CADM2: variants seen among roughly 807,000 people sequenced by gnomAD.
CADM2 encodes the protein immunoglobulin superfamily member 4D.
A neutral mutation model predicts 49.8 loss-of-function variants in CADM2; 12 were observed. That is an observed-to-expected ratio of 0.24 (90% confidence interval 0.15 to 0.39). CADM2 has a LOEUF of 0.39. Ranked by LOEUF, CADM2 falls within the 10% of genes least tolerant of loss-of-function variation. The probability of loss-of-function intolerance (pLI) is 1.00; values close to 1 mark genes in which losing one functional copy is unlikely to be tolerated. For synonymous variants in CADM2, 214 were observed against 175.4 expected (o/e 1.22, Z -1.74); for missense variants, 378 against 492.3 (o/e 0.77, Z 2.20).
chr3:85,717,452 C>A (rs1039812517), intron 1 of CADM2, among the ~76,000 whole-genome samples: 1 of 152,138 alleles, frequency 6.6e-6, no homozygotes, highest in East Asian at 1.9e-4. Flanking sequence ...GGTAATTTGA[C>A]TTCCTCTCTT....
At position 85,541,772 on chromosome 3, in the gene CADM2, AT is replaced by A. The variant is rs1207674355; in HGVS notation, c.62-184746del. 1.5e-3 allele frequency among the ~76,000 whole-genome samples: 11 copies of A among 7,434 alleles called. 1 individual carries two copies. The highest frequency in any genetic ancestry group is 3.1e-3 in the Non-Finnish European group (5 of 1,602). The allele number at this position is 7,434 out of a possible 152,430, so 4.9% of individuals were successfully genotyped here. A position where few individuals can be genotyped will look rare whatever the true frequency, so the allele number is the denominator to read the frequency against. On this transcript the variant is annotated intron_variant, in intron 1 of 9. Transcript: ENST00000383699. The stretch of plus-strand genomic sequence containing the variant: ...TATATATTTTATATATATATTTTAT[AT>A]TTTATATATATATATATATATGTAT...
chr3:85,131,123 G>A (rs538066225), intron 1 of CADM2, among the ~76,000 whole-genome samples: 2 of 152,040 alleles, frequency 1.3e-5, no homozygotes, highest in East Asian at 1.9e-4. Flanking sequence ...AGGTAGCAGC[G>A]AGCCAAGATC....
chr3:85,685,141 G>A (rs1424559677), intron 1 of CADM2, among the ~76,000 whole-genome samples: 1 of 151,972 alleles, frequency 6.6e-6, no homozygotes, highest in African/African-American at 2.4e-5. Flanking sequence ...AGTGCCAGGC[G>A]CCCACCTGGG....
rs535396968 is a variant in CADM2, at chr3:85,730,987, T to TG, written c.88+4440dup. Among the ~76,000 whole-genome samples the TG allele has an allele frequency of 1.9e-4, 29 of 152,298 alleles. No individual in the cohort carries two copies. In the South Asian group the frequency reaches 5.8e-3, roughly 30 times the overall value. Reference sequence around the variant, plus strand: ...TGACTTTGCTTAAGAATTAAGATAATGCAGAGCCCTTAGCTATCTAAATTG... The same window carrying TG: ...TGACTTTGCTTAAGAATTAAGATAATGGCAGAGCCCTTAGCTATCTAAATTG... On this transcript the variant is annotated intron_variant, in intron 2 of 9. Transcript: ENST00000383699.
intron 1 of CADM2, among the ~76,000 whole-genome samples, chr3:85,360,054 C>T (rs2032242621): frequency 6.6e-6 from 1 of 151,612 alleles, no homozygotes; most frequent in Admixed American, 6.6e-5. Flanking sequence ...TGTGAATTTT[C>T]ACGTATACAA....
At chr3:85,415,298 G>A (rs368579800) in intron 1 of CADM2, among the ~76,000 whole-genome samples, 5 of 151,832 alleles carry the variant, frequency 3.3e-5, no homozygotes, top group Non-Finnish European at 4.4e-5. Flanking sequence ...ATATATTTCC[G>A]GGTTCCCCTA....
intron 1 of CADM2, among the ~76,000 whole-genome samples, chr3:85,457,904 A>G (rs1030755238): frequency 6.6e-6 from 1 of 152,108 alleles, no homozygotes; most frequent in Non-Finnish European, 1.5e-5. Flanking sequence ...AAATCCCCCA[A>G]ATATAATCTC....
At chr3:85,076,688 T>C (rs1424511454) in intron 1 of CADM2, among the ~76,000 whole-genome samples, 1 of 151,932 alleles carries the variant, frequency 6.6e-6, no homozygotes, top group Non-Finnish European at 1.5e-5. Context: ...AAGATAATTT[T>C]CGGCTGGGCA....
chr3:85,115,367 T>A (rs570012458), intron 1 of CADM2, among the ~76,000 whole-genome samples: 142 of 152,326 alleles, frequency 9.3e-4, no homozygotes, highest in African/African-American at 3.3e-3. Context: ...TGTCAGTACA[T>A]TAAAAGTAGA....
At chr3:85,118,472 C>T (rs1462635234) in intron 1 of CADM2, among the ~76,000 whole-genome samples, 4 of 152,038 alleles carry the variant, frequency 2.6e-5, no homozygotes, top group Non-Finnish European at 4.4e-5. Context: ...AAAGGCACGA[C>T]GAACATGGCA....
At chr3:84,995,673 T>A (rs1368144981) in intron 1 of CADM2, among the ~76,000 whole-genome samples, 1 of 152,196 alleles carries the variant, frequency 6.6e-6, no homozygotes, top group Non-Finnish European at 1.5e-5. Flanking sequence ...ACTAAGTACT[T>A]GCCTACAAAA....
chr3:85,553,958 G>T (rs2061882185), intron 1 of CADM2, among the ~76,000 whole-genome samples: 1 of 152,194 alleles, frequency 6.6e-6, no homozygotes, highest in African/African-American at 2.4e-5. Flanking sequence ...TATGGCATAT[G>T]TTGGAATAAA....
chr3:85,265,488 A>T (rs1170192346), intron 1 of CADM2, among the ~76,000 whole-genome samples: 1 of 151,924 alleles, frequency 6.6e-6, no homozygotes, highest in East Asian at 1.9e-4. Context: ...AGAGAGCATG[A>T]GAGAGAGAGC....
At chr3:85,556,690 T>C (rs1460811564) in intron 1 of CADM2, among the ~76,000 whole-genome samples, 1 of 152,126 alleles carries the variant, frequency 6.6e-6, no homozygotes, top group African/African-American at 2.4e-5. Flanking sequence ...ACAATTTAGC[T>C]CTCTAAATAA....
intron 1 of CADM2, among the ~76,000 whole-genome samples, chr3:85,476,897 AACACAC>A (rs35319709): frequency 0.2 from 28,490 of 145,804 alleles, 3,120 homozygotes; most frequent in East Asian, 0.3. Context: ...AAAGATTTTA[AACACAC>A]ACACACACAC....
At chr3:85,166,663 T>C (rs922982680) in intron 1 of CADM2, among the ~76,000 whole-genome samples, 13 of 151,974 alleles carry the variant, frequency 8.6e-5, no homozygotes, top group Non-Finnish European at 1.8e-4. Context: ...TAAATTCTTC[T>C]AAATTCCAAA....
At chr3:85,044,336 G>A (rs1459581814) in intron 1 of CADM2, among the ~76,000 whole-genome samples, 1 of 152,074 alleles carries the variant, frequency 6.6e-6, no homozygotes, top group Non-Finnish European at 1.5e-5. Context: ...AAAAAGACCT[G>A]GGTAATGTGA....
intron 1 of CADM2, among the ~76,000 whole-genome samples, chr3:85,412,507 T>C (rs1325715932): frequency 6.7e-6 from 1 of 149,456 alleles, no homozygotes; most frequent in Non-Finnish European, 1.5e-5. Context: ...AAACCAAAAC[T>C]AAGGTATCCT....
At chr3:85,357,727 G>C (rs1476640714) in intron 1 of CADM2, among the ~76,000 whole-genome samples, 1 of 152,074 alleles carries the variant, frequency 6.6e-6, no homozygotes, top group Non-Finnish European at 1.5e-5. Context: ...AGGTAAGATA[G>C]TGTAAAACTT....
Sources: gnomAD v4.1 joint callset for allele counts (sites outside exome capture counted in the v4.1 genomes callset) on GRCh38, gnomAD v4.1.1 for gene constraint, MANE v1.5 for transcripts, NCBI Gene and HGNC (gene_info 2026-07-23, HGNC 2026-07-21) for gene names.